Variants in FAM216A observed in about 807,000 individuals in gnomAD.
The protein encoded by FAM216A is protein FAM216A.
FAM216A carries 26 observed loss-of-function variants against 37.6 expected under a neutral mutation model. The observed-to-expected ratio is 0.69, with a 90% CI of 0.51 to 0.96. FAM216A has a LOEUF of 0.96. FAM216A is among the 40% of genes least tolerant of loss of function. FAM216A has a pLI of 0.00. For missense variants in FAM216A, 326 were observed against 339.3 expected, an observed-to-expected ratio of 0.96 and a Z score of 0.31; for synonymous variants, 110 against 121.7, an observed-to-expected ratio of 0.90 and a Z score of 0.64.
chr12:110,472,985 A>G, intron 1 of FAM216A, 93 bp from the exon 2 acceptor site: 1 of 519,022 alleles, frequency 1.9e-6, no homozygotes, highest in Non-Finnish European at 3.1e-6. Flanking sequence ...CAAAAAAAAA[A>G]AAAAAAAAAA....
intron 2 of FAM216A, among the ~76,000 whole-genome samples, chr12:110,482,458 C>T (rs1292955130): frequency 2.0e-5 from 3 of 152,000 alleles, no homozygotes; most frequent in Non-Finnish European, 4.4e-5. Flanking sequence ...TGTCTATCAA[C>T]AGGTACATAA....
In FAM216A at chr12:110,485,196, C is replaced by T. The variant is rs749702912; in HGVS notation, c.303C>T (p.Phe101=). 6.2e-7 allele frequency: 1 copy of T among 1,605,950 alleles called. No homozygotes were observed. Among genetic ancestry groups the T allele is most frequent in the Admixed American group, 1.7e-5 (1 of 57,366 alleles). The change falls in exon 3 of 7, where the codon TTC becomes TTT. Residue 101 remains phenylalanine, a synonymous_variant. Coordinates refer to ENST00000377673, the MANE Select transcript of FAM216A (RefSeq NM_013300.3). ...AATCAATGATGGAGGCGTCCTTTTT[C>T]AAGGTATGCTAACAGGGACATATTT... ...LSKSMMEASF[F]KHPDLTTGQK...
intron 1 of FAM216A, among the ~76,000 whole-genome samples, chr12:110,469,895 C>G (rs564265089): frequency 1.3e-5 from 2 of 152,164 alleles, no homozygotes; most frequent in African/African-American, 4.8e-5. Context: ...CACTGAAGTT[C>G]CTTTTTTCAC....
At chr12:110,482,727 G>A (rs1006107800) in intron 2 of FAM216A, among the ~76,000 whole-genome samples, 15 of 151,278 alleles carry the variant, frequency 9.9e-5, no homozygotes, top group Non-Finnish European at 1.2e-4. Context: ...CCTGGGAGGC[G>A]GAGCTTGCAG....
intron 2 of FAM216A, among the ~76,000 whole-genome samples, chr12:110,480,541 C>A (rs2062741607): frequency 6.6e-6 from 1 of 151,752 alleles, no homozygotes; most frequent in Non-Finnish European, 1.5e-5. Context: ...GTCTCAAACT[C>A]CTGGACTCAA....
Position 110,468,972 on chromosome 12 carries a change from T to G in FAM216A, c.97T>G (p.Ser33Ala). 2 of 1,512,658 alleles carry G rather than the reference T, an allele frequency of 1.3e-6. No homozygotes were observed. Among genetic ancestry groups the G allele is most frequent in the Non-Finnish European group, 1.8e-6 (2 of 1,132,036 alleles). 93.7% of individuals were successfully genotyped at this position (1,512,658 alleles called of 1,614,324 possible). Residue 33 changes from serine (S) to alanine (A), a missense_variant, in exon 1 of 7, where the codon TCT becomes GCT. By Grantham distance (99) the Ser-to-Ala change is moderately conservative. Coordinates refer to ENST00000377673, the MANE Select transcript of FAM216A (RefSeq NM_013300.3). Reference protein sequence around the residue: ...PGSDWTERSSSAEPPAVAGTE... With the variant: ...PGSDWTERSSAAEPPAVAGTE... The stretch of plus-strand genomic sequence containing the variant: ...GTCCGACTGGACGGAGCGTAGCTCT[T>G]CTGCAGAGCCGCCCGCTGTGGCCGG...
At chr12:110,476,583 G>T (rs1413042158) in intron 2 of FAM216A, among the ~76,000 whole-genome samples, 1 of 151,846 alleles carries the variant, frequency 6.6e-6, no homozygotes, top group African/African-American at 2.4e-5. Context: ...CTGGAGTGTT[G>T]TTGCACAATC....
Position 110,485,250 on chromosome 12 carries a change from C to T in FAM216A, c.306+51C>T, listed in dbSNP as rs370898712. The T allele has an allele frequency of 1.4e-5, 22 of 1,543,594 alleles. No homozygotes were observed. The African/African-American group carries it at 1.7e-4, about 12-fold the overall frequency. On this transcript the variant is annotated intron_variant, in intron 3 of 6. Coordinates refer to ENST00000377673, the MANE Select transcript of FAM216A (RefSeq NM_013300.3). The stretch of plus-strand genomic sequence containing the variant: ...TACCAATACTCTTTGTATTCAGAGC[C>T]GAACTTTTTACTGAAGATCAGCTGC...
chr12:110,475,656 C>T (rs2062710836), intron 2 of FAM216A, among the ~76,000 whole-genome samples: 1 of 151,300 alleles, frequency 6.6e-6, no homozygotes, highest in Non-Finnish European at 1.5e-5. Context: ...ACTGCAGCCT[C>T]GACCTCCCTG....
intron 2 of FAM216A, among the ~76,000 whole-genome samples, chr12:110,479,443 TGAG>T (rs2062733628): frequency 6.6e-6 from 1 of 151,802 alleles, no homozygotes; most frequent in South Asian, 2.1e-4. Context: ...TCCAAAAGTG[TGAG>T]ACCTGCTTAT....
At chr12:110,471,610 G>T (rs1195703996) in intron 1 of FAM216A, among the ~76,000 whole-genome samples, 3 of 152,176 alleles carry the variant, frequency 2.0e-5, no homozygotes, top group Non-Finnish European at 2.9e-5. Context: ...GCAGAGAAGT[G>T]ATGTGATCTT....
At position 110,490,056 on chromosome 12, in the gene FAM216A, A is replaced by T. The variant is rs1228951684; in HGVS notation, c.741A>T (p.Glu247Asp). ...SDDSESHMSE[E>D]KKEEDLLNNF... ...ATTCTGAATCACACATGAGTGAAGA[A>T]AAAAAGGAAGAAGATTTACTAAATA... The change falls in exon 7 of 7, where the codon GAA (glutamate) becomes GAT (aspartate). Residue 247 changes from glutamate to aspartate, a missense_variant. Glu to Asp is a conservative substitution (Grantham distance 45). Transcript: ENST00000377673. 6.5e-7 allele frequency: 1 copy of T among 1,546,736 alleles called. No homozygotes were observed. The highest frequency in any genetic ancestry group is 8.9e-7 in the Non-Finnish European group (1 of 1,119,228).
At chr12:110,484,951 C>T (rs891116974) in intron 2 of FAM216A, 127 bp from the exon 3 acceptor site, 73 of 803,524 alleles carry the variant, frequency 9.1e-5, no homozygotes, top group African/African-American at 1.6e-4. Flanking sequence ...CCACCCACCT[C>T]GGCCTCCCAA....
chr12:110,490,072 T>A lies in FAM216A; in HGVS notation c.757T>A (p.Leu253Ile). 6.4e-7 allele frequency: 1 copy of A among 1,569,696 alleles called. No homozygotes were observed. Among genetic ancestry groups the A allele is most frequent in the Non-Finnish European group, 8.8e-7 (1 of 1,139,808 alleles). The change falls in exon 7 of 7, where the codon TTA becomes ATA. Residue 253 changes from leucine to isoleucine, a missense_variant. Transcript: ENST00000377673. ...GAGTGAAGAAAAAAAGGAAGAAGAT[T>A]TACTAAATAATTTTATGCAATCAAT... ...HMSEEKKEED[L>I]LNNFMQSMSI...
chr12:110,471,001 T>C (rs1469464653), intron 1 of FAM216A, among the ~76,000 whole-genome samples: 1 of 152,168 alleles, frequency 6.6e-6, no homozygotes, highest in Non-Finnish European at 1.5e-5. Context: ...GTCTTAAAAA[T>C]CATCAATTCC....
chr12:110,475,742 G>A (rs1460021683), intron 2 of FAM216A, among the ~76,000 whole-genome samples: 1 of 150,980 alleles, frequency 6.6e-6, no homozygotes, highest in African/African-American at 2.4e-5. Context: ...AAAAAAAAGT[G>A]GGGGTATTTA....
At chr12:110,471,746 C>T (rs549709136) in intron 1 of FAM216A, among the ~76,000 whole-genome samples, 21 of 152,266 alleles carry the variant, frequency 1.4e-4, no homozygotes, top group African/African-American at 4.1e-4. Context: ...GCAAAGGAAG[C>T]GGCGGTGAAA....
In FAM216A at chr12:110,487,958, T is replaced by A; in HGVS notation, c.703+15T>A. On this transcript the variant is annotated intron_variant, in intron 6 of 6. Coordinates refer to ENST00000377673, the MANE Select transcript of FAM216A (RefSeq NM_013300.3). Reference sequence around the variant, plus strand: ...CATGCAAACAGGTAAATGTGGAAATTTAACAATATTCATTTTTTAAGATCT... The same window carrying A: ...CATGCAAACAGGTAAATGTGGAAATATAACAATATTCATTTTTTAAGATCT... The A allele has an allele frequency of 1.4e-6, 2 of 1,460,460 alleles. No homozygotes were observed. The highest frequency in any genetic ancestry group is 1.9e-6 in the Non-Finnish European group (2 of 1,050,856). The allele number at this position is 1,460,460 out of a possible 1,614,324, so 90.5% of individuals were successfully genotyped here.
upstream of FAM216A, chr12:110,468,736 G>T (rs1049475928): frequency 6.7e-7 from 1 of 1,491,902 alleles, no homozygotes; most frequent in Non-Finnish European, 8.9e-7. Flanking sequence ...CCGTAACTCC[G>T]GGGTCGCGGA....
Sources: gnomAD v4.1 joint callset for allele counts (sites outside exome capture counted in the v4.1 genomes callset) on GRCh38, gnomAD v4.1.1 for gene constraint, MANE v1.5 for transcripts, NCBI Gene and HGNC (gene_info 2026-07-23, HGNC 2026-07-21) for gene names.